CNBD1: variants seen among roughly 807,000 people sequenced by gnomAD.
CNBD1 encodes the protein cyclic nucleotide-binding domain-containing protein 1.
CNBD1 carries 71 observed loss-of-function variants against 54.4 expected under a neutral mutation model. The ratio of observed to expected loss-of-function variants is 1.30; its 90% CI spans 1.08 to 1.59. CNBD1 has a LOEUF of 1.59. Among genes scored for constraint, CNBD1 ranks in the 40% most tolerant of loss-of-function variants. The probability of loss-of-function intolerance (pLI) is 0.00; values close to 1 mark genes in which losing one functional copy is unlikely to be tolerated. For synonymous variants in CNBD1, 182 were observed against 170.7 expected, an observed-to-expected ratio of 1.07 and a Z score of -0.51; for missense variants, 659 against 518.0, an observed-to-expected ratio of 1.27 and a Z score of -2.64.
rs141465446 is a variant in CNBD1 at position 87,353,495 on chromosome 8, T to G, written c.1153-141T>G. The G allele has an allele frequency of 5.9e-4, 334 of 567,128 alleles. 2 individuals are homozygous for G. Among genetic ancestry groups the G allele is most frequent in the African/African-American group, 5.0e-3 (258 of 51,414 alleles). 35.1% of individuals were successfully genotyped at this position (567,128 alleles called of 1,614,324 possible). A position where few individuals can be genotyped will look rare whatever the true frequency, so the allele number is the denominator to read the frequency against. On this transcript the variant is annotated intron_variant, in intron 9 of 10. Transcript: ENST00000518476. Reference sequence around the variant, plus strand: ...TGAAATGCTTATGTAAGTAAATTTTTCTGTAATTTAAATACAATTGCTAAT... The same window carrying G: ...TGAAATGCTTATGTAAGTAAATTTTGCTGTAATTTAAATACAATTGCTAAT...
At chr8:87,335,845 G>A (rs759754135) in intron 8 of CNBD1, among the ~76,000 whole-genome samples, 6 of 152,110 alleles carry the variant, frequency 3.9e-5, no homozygotes, top group Non-Finnish European at 8.8e-5. Context: ...CCTGGTACTG[G>A]TTTTTCCTTT....
At chr8:87,207,086 G>C (rs74638837) in intron 5 of CNBD1, among the ~76,000 whole-genome samples, 2 of 151,986 alleles carry the variant, frequency 1.3e-5, no homozygotes, top group East Asian at 3.9e-4. Context: ...TTTAATCTGT[G>C]ATCAAGCAAT....
intron 4 of CNBD1, among the ~76,000 whole-genome samples, chr8:86,972,012 G>C (rs997812611): frequency 2.6e-5 from 4 of 152,014 alleles, no homozygotes; most frequent in African/African-American, 9.6e-5. Flanking sequence ...GAGTGCAGTG[G>C]CATGATCTCG....
chr8:86,984,971 C>T (rs1278331558), intron 4 of CNBD1, among the ~76,000 whole-genome samples: 2 of 152,072 alleles, frequency 1.3e-5, no homozygotes, highest in Non-Finnish European at 2.9e-5. Context: ...GGTGGAATGA[C>T]ATGGTTTGGC....
At chr8:87,125,437 G>A (rs1006929788) in intron 4 of CNBD1, among the ~76,000 whole-genome samples, 5 of 151,472 alleles carry the variant, frequency 3.3e-5, no homozygotes, top group African/African-American at 7.3e-5. Flanking sequence ...CAGGCATATC[G>A]GCCAATAAAA....
At chr8:86,922,492 C>A (rs1235962751) in intron 3 of CNBD1, among the ~76,000 whole-genome samples, 1 of 152,052 alleles carries the variant, frequency 6.6e-6, no homozygotes, top group Non-Finnish European at 1.5e-5. Context: ...TGGTCTTGTC[C>A]TTTGTACCCC....
chr8:87,346,992 C>A (rs553628223), intron 8 of CNBD1, among the ~76,000 whole-genome samples: 1 of 152,006 alleles, frequency 6.6e-6, no homozygotes, highest in Non-Finnish European at 1.5e-5. Context: ...GAAAATATCT[C>A]CAGGAGCTCT....
chr8:87,024,270 C>CTTTTTTTTTA lies in CNBD1; in HGVS notation c.431+84516_431+84517insTTTTTTTTTA, dbSNP rs1329751013. The stretch of plus-strand genomic sequence containing the variant: ...AAAGAAAAAAAAAAAAAAAAGCTAT[C>CTTTTTTTTTA]CAGGAATCATTAGAGTTTACAAAAT... On this transcript the variant is annotated intron_variant, in intron 4 of 10. Coordinates refer to ENST00000518476, the MANE Select transcript of CNBD1 (RefSeq NM_173538.3). Among the ~76,000 whole-genome samples, 130 of 150,152 alleles carry CTTTTTTTTTA rather than the reference C, an allele frequency of 8.7e-4. 2 individuals are homozygous for CTTTTTTTTTA. Among genetic ancestry groups the CTTTTTTTTTA allele is most frequent in the African/African-American group, 3.1e-3 (128 of 41,036 alleles).
chr8:87,308,684 A>G (rs1809205148), intron 8 of CNBD1, among the ~76,000 whole-genome samples: 1 of 152,144 alleles, frequency 6.6e-6, no homozygotes, highest in Non-Finnish European at 1.5e-5. Flanking sequence ...GAACACTAGA[A>G]TTTGTTCCTT....
At chr8:86,985,075 G>A (rs1008739189) in intron 4 of CNBD1, among the ~76,000 whole-genome samples, 13 of 152,088 alleles carry the variant, frequency 8.5e-5, no homozygotes, top group African/African-American at 2.9e-4. Flanking sequence ...TCTTTCGTGT[G>A]CTTTACTTGT....
At chr8:87,267,236 A>G (rs562407223) in intron 6 of CNBD1, among the ~76,000 whole-genome samples, 3 of 152,352 alleles carry the variant, frequency 2.0e-5, no homozygotes, top group African/African-American at 7.2e-5. Context: ...ATTGGCAAGT[A>G]CAAGTATGTT....
At chr8:87,032,505 C>T (rs1322097926) in intron 4 of CNBD1, among the ~76,000 whole-genome samples, 3 of 152,078 alleles carry the variant, frequency 2.0e-5, no homozygotes, top group African/African-American at 7.2e-5. Context: ...TTCATTCTTA[C>T]TGTTTTCCCA....
At chr8:87,428,134 C>CA (rs1563598905) in intron 2 of CNBD1, among the ~76,000 whole-genome samples, 4 of 49,796 alleles carry the variant, frequency 8.0e-5, no homozygotes, top group East Asian at 3.0e-4. Context: ...CCTCCCCCAA[C>CA]CAAAAAAAAG....
chr8:87,030,948 C>A (rs1295587700), intron 4 of CNBD1, among the ~76,000 whole-genome samples: 1 of 122,312 alleles, frequency 8.2e-6, no homozygotes, highest in Non-Finnish European at 1.7e-5. Context: ...CCCCTCCTCC[C>A]CCTCTTCCTC....
chr8:87,097,974 A>G (rs2130688943), intron 4 of CNBD1, among the ~76,000 whole-genome samples: 1 of 152,354 alleles, frequency 6.6e-6, no homozygotes, highest in South Asian at 2.1e-4. Context: ...AGATGAGTAT[A>G]ACATTGTTAT....
chr8:87,349,498 T>G (rs1810239984), intron 8 of CNBD1, among the ~76,000 whole-genome samples: 1 of 152,064 alleles, frequency 6.6e-6, no homozygotes. Context: ...GCCTCAGCCT[T>G]CCGATTAGCT....
At chr8:87,051,567 A>G (rs575968893) in intron 4 of CNBD1, among the ~76,000 whole-genome samples, 1 of 152,354 alleles carries the variant, frequency 6.6e-6, no homozygotes, top group East Asian at 1.9e-4. Flanking sequence ...GTTTCTATAG[A>G]TTATAGATTA....
intron 8 of CNBD1, among the ~76,000 whole-genome samples, chr8:87,346,252 GC>G (rs1335798874): frequency 2.0e-5 from 3 of 151,960 alleles, no homozygotes; most frequent in African/African-American, 7.3e-5. Flanking sequence ...TGTTGGGTAG[GC>G]TTGTCTTGAA....
intron 4 of CNBD1, among the ~76,000 whole-genome samples, chr8:86,988,437 A>G (rs1801312197): frequency 6.6e-6 from 1 of 152,176 alleles, no homozygotes; most frequent in Admixed American, 6.6e-5. Flanking sequence ...ATATTTTAAT[A>G]TAGGCACAAA....
Sources: gnomAD v4.1 joint callset for allele counts (sites outside exome capture counted in the v4.1 genomes callset) on GRCh38, gnomAD v4.1.1 for gene constraint, MANE v1.5 for transcripts, NCBI Gene and HGNC (gene_info 2026-07-23, HGNC 2026-07-21) for gene names.